Variants in EEFSEC observed in about 807,000 individuals in gnomAD.
EEFSEC encodes eukaryotic elongation factor, selenocysteine-tRNA specific, also known as selenocysteine-specific elongation factor.
Under a neutral mutation model 42.1 loss-of-function variants are expected in EEFSEC, and 43 were observed. That is an observed-to-expected ratio of 1.02 (90% CI 0.80 to 1.32). The LOEUF (loss-of-function observed/expected upper bound fraction) is 1.32. EEFSEC is among the 40% of genes most tolerant of loss of function. EEFSEC has a pLI of 0.00. For synonymous variants in EEFSEC, 354 were observed against 339.1 expected (o/e 1.04, Z -0.48); for missense variants, 745 against 803.6 (o/e 0.93, Z 0.88).
At chr3:128,335,568 G>A (rs1488805801) in intron 4 of EEFSEC, among the ~76,000 whole-genome samples, 2 of 152,226 alleles carry the variant, frequency 1.3e-5, no homozygotes, top group African/African-American at 2.4e-5. Flanking sequence ...GAGACATCAC[G>A]GGGGCTGTGT....
chr3:128,381,748 G>T (rs942074238), intron 6 of EEFSEC, among the ~76,000 whole-genome samples: 13 of 152,174 alleles, frequency 8.5e-5, no homozygotes, highest in Admixed American at 3.3e-4. Context: ...GGGCATCTTC[G>T]TGGGGCCTGC....
chr3:128,264,204 G>A (rs1213854869), intron 3 of EEFSEC, among the ~76,000 whole-genome samples: 2 of 152,198 alleles, frequency 1.3e-5, no homozygotes, highest in Admixed American at 6.5e-5. Context: ...GTACCTAGGG[G>A]CTAGATGATG....
Position 128,341,421 on chromosome 3 carries a change from CCGGG to C in EEFSEC, c.976_979del (p.Arg326GlyfsTer22), listed in dbSNP as rs2067250684. The C allele has an allele frequency of 6.2e-7, 1 of 1,614,080 alleles. No homozygotes were observed. The highest frequency in any genetic ancestry group is 1.7e-5 in the Admixed American group (1 of 60,008). ...TCTCTGTGGAAAAGATACCGTATTT[CCGGG>C]GGCCCCTGCAAACCAAGGCCAAGTT... On this transcript the variant is annotated frameshift_variant, in exon 5 of 7. Transcript: ENST00000254730. LOFTEE classifies it high-confidence loss of function.
intron 6 of EEFSEC, among the ~76,000 whole-genome samples, chr3:128,369,900 G>A (rs994132666): frequency 3.3e-5 from 5 of 152,130 alleles, no homozygotes; most frequent in South Asian, 2.1e-4. Context: ...ACATGTCCCC[G>A]AGGAACAAGG....
chr3:128,172,553 C>G (rs2955121), intron 1 of EEFSEC, among the ~76,000 whole-genome samples: 21,988 of 152,168 alleles, frequency 0.14, 1,707 homozygotes, highest in Admixed American at 0.2. Flanking sequence ...CCTGCTTTGA[C>G]TGCCCAAAGT....
chr3:128,282,564 C>A (rs2066539169), intron 4 of EEFSEC, among the ~76,000 whole-genome samples: 1 of 152,210 alleles, frequency 6.6e-6, no homozygotes, highest in South Asian at 2.1e-4. Context: ...TGCACACGCG[C>A]ACATGCAGAA....
rs903390721 is a variant in EEFSEC at position 128,255,324 on chromosome 3, G to A, written c.525-6804G>A. Among the ~76,000 whole-genome samples the A allele has an allele frequency of 2.0e-5, 3 of 152,322 alleles. No homozygotes were observed. In the South Asian group the frequency reaches 6.2e-4, roughly 32 times the overall value. ...AGGTATGGGGTTGTCAGGGAGGAGG[G>A]AAGGATGCCACTGCTGGACAGTCAC... On this transcript the variant is annotated intron_variant, in intron 2 of 6. Coordinates refer to ENST00000254730, the MANE Select transcript of EEFSEC (RefSeq NM_021937.5).
intron 6 of EEFSEC, among the ~76,000 whole-genome samples, chr3:128,360,324 A>T (rs1446879814): frequency 6.6e-6 from 1 of 152,080 alleles, no homozygotes; most frequent in Non-Finnish European, 1.5e-5. Flanking sequence ...CAGCGTCCAG[A>T]CCTCAGTCCC....
chr3:128,323,575 G>T (rs2067031285), intron 4 of EEFSEC, among the ~76,000 whole-genome samples: 1 of 152,210 alleles, frequency 6.6e-6, no homozygotes, highest in African/African-American at 2.4e-5. Flanking sequence ...AGTGTTAGGT[G>T]CTGTGCTTGG....
Position 128,272,711 on chromosome 3 carries a change from G to T in EEFSEC, c.786+7930G>T, listed in dbSNP as rs369043053. 1.8e-4 allele frequency among the ~76,000 whole-genome samples: 28 copies of T among 152,312 alleles called. No individual in the cohort carries two copies. The East Asian group carries it at 4.4e-3, about 24-fold the overall frequency. ...ACAATTAAGGAACAGGCTGCTCCTG[G>T]CCTGGTTGGACGGGAGCTCATCCCT... On this transcript the variant is annotated intron_variant, in intron 4 of 6. Transcript: ENST00000254730.
intron 6 of EEFSEC, among the ~76,000 whole-genome samples, chr3:128,372,674 C>A (rs562212486): frequency 6.6e-6 from 1 of 152,314 alleles, no homozygotes; most frequent in African/African-American, 2.4e-5. Flanking sequence ...TTGTTGAAAT[C>A]CACTACAGTG....
chr3:128,255,007 G>C (rs756828774), intron 2 of EEFSEC, among the ~76,000 whole-genome samples: 58 of 152,330 alleles, frequency 3.8e-4, no homozygotes, highest in Non-Finnish European at 7.6e-4. Flanking sequence ...TGCAGTCAGA[G>C]AGGACTAATT....
chr3:128,218,634 G>C (rs2065833820), intron 1 of EEFSEC, among the ~76,000 whole-genome samples: 1 of 152,160 alleles, frequency 6.6e-6, no homozygotes, highest in Admixed American at 6.6e-5. Flanking sequence ...CCGTTGGTTT[G>C]CTTGTTCATT....
intron 1 of EEFSEC, among the ~76,000 whole-genome samples, chr3:128,206,797 C>CA (rs1279163828): frequency 3.9e-5 from 6 of 152,292 alleles, no homozygotes; most frequent in African/African-American, 1.2e-4. Flanking sequence ...ACAGACAGTG[C>CA]AGAGCTGGGT....
At chr3:128,198,473 A>G (rs1478149235) in intron 1 of EEFSEC, among the ~76,000 whole-genome samples, 1 of 152,224 alleles carries the variant, frequency 6.6e-6, no homozygotes, top group Non-Finnish European at 1.5e-5. Context: ...ACACAACAAC[A>G]TCTTCCATTT....
chr3:128,154,050 G>C lies in EEFSEC; in HGVS notation c.316+227G>C. On this transcript the variant is annotated intron_variant, in intron 1 of 6. Transcript: ENST00000254730. ...ATCCAGCAGAACCGAGCTGCAAGGC[G>C]CCTTCCTTAAAAAAAAAAAAAAAAA... The C allele has an allele frequency of 3.1e-5, 13 of 421,698 alleles. No homozygotes were observed. In the South Asian group the frequency reaches 3.8e-4, roughly 12 times the overall value. 26.1% of individuals were successfully genotyped at this position (421,698 alleles called of 1,614,324 possible). A position where few individuals can be genotyped will look rare whatever the true frequency, so the allele number is the denominator to read the frequency against.
At chr3:128,391,098 T>C (rs3887841) in intron 6 of EEFSEC, among the ~76,000 whole-genome samples, 44,796 of 152,202 alleles carry the variant, frequency 0.29, 7,003 homozygotes, top group East Asian at 0.46. Context: ...TGGGCCTGCG[T>C]GATTCCCTCA....
chr3:128,185,616 C>T (rs372384755), intron 1 of EEFSEC, among the ~76,000 whole-genome samples: 7 of 152,182 alleles, frequency 4.6e-5, no homozygotes, highest in African/African-American at 1.7e-4. Flanking sequence ...GGCTGGAGTG[C>T]AGTGGTATGA....
intron 4 of EEFSEC, among the ~76,000 whole-genome samples, chr3:128,280,588 A>C (rs2066515323): frequency 6.6e-6 from 1 of 152,126 alleles, no homozygotes; most frequent in Non-Finnish European, 1.5e-5. Context: ...GGATGCCACT[A>C]CTGGGCTTCC....
Sources: gnomAD v4.1 joint callset for allele counts (sites outside exome capture counted in the v4.1 genomes callset) on GRCh38, gnomAD v4.1.1 for gene constraint, MANE v1.5 for transcripts, NCBI Gene and HGNC (gene_info 2026-07-23, HGNC 2026-07-21) for gene names.